The following SLC12A1 variants were observed in gnomAD, a reference collection of about 807,000 sequenced individuals.
The protein encoded by SLC12A1 is Na-K-2Cl cotransporter.
A neutral mutation model predicts 130.4 loss-of-function variants in SLC12A1; 89 were observed. The ratio of observed to expected loss-of-function variants is 0.68; its 90% CI spans 0.58 to 0.81. SLC12A1 has a LOEUF of 0.81. Ranked by LOEUF, SLC12A1 falls within the 40% of genes least tolerant of loss-of-function variation. The pLI, the probability that SLC12A1 is intolerant of heterozygous loss-of-function variation, is 0.00. For missense variants in SLC12A1, 1,310 were observed against 1,336.4 expected, an observed-to-expected ratio of 0.98 and a Z score of 0.31; for synonymous variants, 499 against 460.0, an observed-to-expected ratio of 1.08 and a Z score of -1.09.
chr15:48,222,163 G>A lies in SLC12A1; in HGVS notation c.628+1167G>A, dbSNP rs559435087. ...CATGGAAAATCTGCATCTTAATATTGCCAAGGTTTTGCTCCAGGGTTTCAT... is the reference window on the plus strand; with the variant it reads ...CATGGAAAATCTGCATCTTAATATTACCAAGGTTTTGCTCCAGGGTTTCAT... On this transcript the variant is annotated intron_variant, in intron 4 of 26. Coordinates refer to ENST00000380993, the MANE Select transcript of SLC12A1 (RefSeq NM_000338.3). Among the ~76,000 whole-genome samples, 6 of 152,218 alleles carry A rather than the reference G, an allele frequency of 3.9e-5. No individual in the cohort carries two copies. In the South Asian group the frequency reaches 1.0e-3, roughly 26 times the overall value.
At position 48,220,631 on chromosome 15, in the gene SLC12A1, C is replaced by G; in HGVS notation, c.421-3C>G. Reference sequence around the variant, plus strand: ...CTGTGTTTTTGCTATCTATAAAATGCAGAATGTGGCAGTCACCCCAAGTTC... The same window carrying G: ...CTGTGTTTTTGCTATCTATAAAATGGAGAATGTGGCAGTCACCCCAAGTTC... On this transcript the variant is annotated splice_polypyrimidine_tract_variant and splice_region_variant and intron_variant, in intron 2 of 26. Transcript: ENST00000380993. The G allele has an allele frequency of 1.9e-6, 3 of 1,611,954 alleles. No homozygotes were observed. The highest frequency in any genetic ancestry group is 2.5e-6 in the Non-Finnish European group (3 of 1,178,866).
chr15:48,246,067 T>A (rs1447924995), intron 11 of SLC12A1, among the ~76,000 whole-genome samples: 1 of 152,248 alleles, frequency 6.6e-6, no homozygotes, highest in Non-Finnish European at 1.5e-5. Context: ...GCTTCATTCT[T>A]CTGTTTTAAC....
chr15:48,296,974 G>C (rs2042183572), intron 24 of SLC12A1, among the ~76,000 whole-genome samples: 1 of 152,110 alleles, frequency 6.6e-6, no homozygotes. Context: ...TGTTTCAATT[G>C]CAAGTAAAAG....
chr15:48,251,994 G>T (rs571925696), intron 15 of SLC12A1, among the ~76,000 whole-genome samples: 6 of 152,142 alleles, frequency 3.9e-5, no homozygotes, highest in Non-Finnish European at 5.9e-5. Context: ...CACAAGGTCA[G>T]GAGTTCAAGA....
chr15:48,275,354 T>A (rs891789376), intron 20 of SLC12A1, among the ~76,000 whole-genome samples: 5 of 152,218 alleles, frequency 3.3e-5, no homozygotes, highest in Middle Eastern at 3.2e-3. Flanking sequence ...GCCTGTTATG[T>A]ACCAGGCATA....
intron 5 of SLC12A1, chr15:48,227,297 C>A: frequency 7.6e-6 from 6 of 785,710 alleles, no homozygotes; most frequent in Non-Finnish European, 6.1e-6. Context: ...ACAAAATAAC[C>A]CAAAATTTAA....
intron 4 of SLC12A1, chr15:48,224,652 C>G (rs1322817827): frequency 2.0e-5 from 3 of 152,274 alleles, no homozygotes; most frequent in Non-Finnish European, 1.5e-5. Flanking sequence ...CCAAAATTGT[C>G]TCTGGTAATC....
In SLC12A1 at chr15:48,235,004, G is replaced by C; in HGVS notation, c.1215G>C (p.Glu405Asp). The C allele has an allele frequency of 6.2e-7, 1 of 1,613,744 alleles. No individual in the cohort carries two copies. The highest frequency in any genetic ancestry group is 8.5e-7 in the Non-Finnish European group (1 of 1,179,842). Residue 405 changes from glutamate to aspartate, a missense_variant and splice_region_variant, in exon 9 of 27, where the codon GAG becomes GAC. By Grantham distance (45) the Glu-to-Asp change is conservative. Coordinates refer to ENST00000380993, the MANE Select transcript of SLC12A1 (RefSeq NM_000338.3). ...GTGCCAATATCTCAGGAGATTTGGA[G>C]GTACGTTGTTTGCTCTGCTTTGCAG... The part of the protein sequence containing the change: ...LAGANISGDL[E>D]DPQDAIPRGT...
chr15:48,251,489 T>G (rs2041647820), intron 14 of SLC12A1, 126 bp from the exon 15 acceptor site: 1 of 736,876 alleles, frequency 1.4e-6, no homozygotes, highest in Admixed American at 2.2e-5. Context: ...TCACAGATTC[T>G]GGAACTTGGC....
intron 14 of SLC12A1, among the ~76,000 whole-genome samples, chr15:48,250,525 T>G (rs1272577813): frequency 1.3e-5 from 2 of 152,134 alleles, no homozygotes; most frequent in Non-Finnish European, 2.9e-5. Flanking sequence ...CCATGCCATG[T>G]TATGGCCACT....
rs2041651726 is a variant in SLC12A1, at chr15:48,251,777, T to C, written c.1942+7T>C. On this transcript the variant is annotated splice_region_variant and intron_variant, in intron 15 of 26. Transcript: ENST00000380993. The stretch of plus-strand genomic sequence containing the variant: ...GTGACTTGTAAGAAGCCAGGTAAGA[T>C]AATGACTGTCTGGAATAGCGTTTCC... The C allele has an allele frequency of 6.2e-7, 1 of 1,612,838 alleles. No individual in the cohort carries two copies. Among genetic ancestry groups the C allele is most frequent in the Admixed American group, 1.7e-5 (1 of 59,964 alleles).
chr15:48,219,606 AAGAG>A (rs1228612352), intron 2 of SLC12A1, among the ~76,000 whole-genome samples: 9 of 149,650 alleles, frequency 6.0e-5, no homozygotes, highest in Admixed American at 2.0e-4. Flanking sequence ...GAAAGAAAGA[AAGAG>A]AGAGAGAAGG....
At chr15:48,224,921 C>A (rs746617338) in intron 4 of SLC12A1, 1 of 152,168 alleles carries the variant, frequency 6.6e-6, no homozygotes, top group African/African-American at 2.4e-5. Flanking sequence ...TAATCATCAA[C>A]CTTCTGAACC....
At chr15:48,251,543 T>C in intron 14 of SLC12A1, 72 bp from the exon 15 acceptor site, 1 of 1,205,092 alleles carries the variant, frequency 8.3e-7, no homozygotes, top group African/African-American at 1.5e-5. Flanking sequence ...GCATGTTACC[T>C]GCATTCTTCT....
intron 9 of SLC12A1, chr15:48,236,876 T>A: frequency 2.0e-6 from 1 of 512,178 alleles, no homozygotes; most frequent in South Asian, 3.2e-5. Context: ...AGCACACCTT[T>A]AAATTAAAGA....
intron 20 of SLC12A1, among the ~76,000 whole-genome samples, chr15:48,280,584 G>A (rs934029837): frequency 1.3e-5 from 2 of 152,092 alleles, no homozygotes; most frequent in East Asian, 3.9e-4. Context: ...TAGCAATGTG[G>A]CCTTATAAAC....
At chr15:48,260,369 C>CACAA (rs2041760938) in intron 17 of SLC12A1, among the ~76,000 whole-genome samples, 2 of 151,480 alleles carry the variant, frequency 1.3e-5, no homozygotes, top group South Asian at 4.2e-4. Context: ...CACACACACA[C>CACAA]ACACACACAC....
chr15:48,234,002 T>C (rs187802716), intron 8 of SLC12A1, among the ~76,000 whole-genome samples: 86 of 152,322 alleles, frequency 5.6e-4, no homozygotes, highest in African/African-American at 2.0e-3. Flanking sequence ...CATCATAATA[T>C]TCTCCCATAC....
At chr15:48,301,243 G>A (rs1253823391) in intron 25 of SLC12A1, 72 bp from the exon 26 acceptor site, 16 of 1,037,428 alleles carry the variant, frequency 1.5e-5, no homozygotes, top group Non-Finnish European at 1.9e-5. Flanking sequence ...GCTTGTTCAT[G>A]ATTTAAGAAA....
Sources: gnomAD v4.1 joint callset for allele counts (sites outside exome capture counted in the v4.1 genomes callset) on GRCh38, gnomAD v4.1.1 for gene constraint, MANE v1.5 for transcripts, NCBI Gene and HGNC (gene_info 2026-07-23, HGNC 2026-07-21) for gene names.